Variants in STK39 observed in about 807,000 individuals in gnomAD.
STK39 encodes the protein serine/threonine kinase 39, also known as STE20/SPS1-related proline-alanine-rich protein kinase.
STK39 carries 20 observed loss-of-function variants against 77.8 expected under a neutral mutation model. That is an observed-to-expected ratio of 0.26 (90% CI 0.18 to 0.37). The LOEUF is 0.37. Among genes scored for constraint, STK39 ranks in the 10% least tolerant of loss-of-function variants. STK39 has a pLI of 1.00. For missense variants in STK39, 479 were observed against 656.5 expected (o/e 0.73, Z 2.95); for synonymous variants, 246 against 234.1 (o/e 1.05, Z -0.47).
intron 14 of STK39, among the ~76,000 whole-genome samples, chr2:168,019,886 G>A (rs1684528235): frequency 6.6e-6 from 1 of 151,956 alleles, no homozygotes; most frequent in South Asian, 2.1e-4. Flanking sequence ...TGTATTTTTA[G>A]TAGAGACAGG....
At chr2:168,216,612 A>G (rs1294598931) in intron 1 of STK39, among the ~76,000 whole-genome samples, 1 of 152,200 alleles carries the variant, frequency 6.6e-6, no homozygotes, top group African/African-American at 2.4e-5. Flanking sequence ...TCATCTAATG[A>G]AGTGGCAAAT....
intron 16 of STK39, among the ~76,000 whole-genome samples, chr2:167,967,827 G>A (rs1166190262): frequency 6.7e-6 from 1 of 150,044 alleles, no homozygotes. Flanking sequence ...AGATTCAGGG[G>A]TTCATATGCG....
At chr2:167,963,920 G>A (rs1692072541) in intron 17 of STK39, among the ~76,000 whole-genome samples, 1 of 152,168 alleles carries the variant, frequency 6.6e-6, no homozygotes, top group South Asian at 2.1e-4. Context: ...ACCAGCCTTT[G>A]ATAAAATTAA....
At chr2:168,169,020 T>C (rs1316297300) in intron 2 of STK39, among the ~76,000 whole-genome samples, 1 of 152,226 alleles carries the variant, frequency 6.6e-6, no homozygotes, top group Non-Finnish European at 1.5e-5. Context: ...GAAGTGCTTT[T>C]AACCAAAGAT....
At chr2:168,207,688 A>G (rs193200568) in intron 1 of STK39, among the ~76,000 whole-genome samples, 24 of 152,362 alleles carry the variant, frequency 1.6e-4, no homozygotes, top group Admixed American at 1.5e-3. Flanking sequence ...TGAAATGAAC[A>G]TGACAATGAT....
At chr2:168,076,734 T>G (rs1443186485) in intron 10 of STK39, among the ~76,000 whole-genome samples, 1 of 152,212 alleles carries the variant, frequency 6.6e-6, no homozygotes, top group African/African-American at 2.4e-5. Flanking sequence ...ATTTTTCTTT[T>G]TAACTAATTT....
intron 10 of STK39, among the ~76,000 whole-genome samples, chr2:168,097,463 A>G (rs1686700497): frequency 6.6e-6 from 1 of 152,144 alleles, no homozygotes; most frequent in African/African-American, 2.4e-5. Context: ...GGTGGTTCAC[A>G]CCTGTAATCC....
At chr2:168,165,485 A>T (rs576990411) in intron 3 of STK39, among the ~76,000 whole-genome samples, 56 of 152,274 alleles carry the variant, frequency 3.7e-4, no homozygotes, top group African/African-American at 1.3e-3. Context: ...CCTTAAGATC[A>T]TCTTGTTGGC....
intron 5 of STK39, among the ~76,000 whole-genome samples, chr2:168,141,129 A>C (rs956397268): frequency 2.6e-5 from 4 of 152,248 alleles, no homozygotes; most frequent in African/African-American, 4.8e-5. Context: ...GACAATTTTC[A>C]TAAGTACAGA....
At chr2:168,201,307 T>G (rs1412715829) in intron 1 of STK39, among the ~76,000 whole-genome samples, 3 of 152,258 alleles carry the variant, frequency 2.0e-5, no homozygotes, top group Non-Finnish European at 2.9e-5. Flanking sequence ...ACACTGTGTC[T>G]GGCAGAAAGG....
chr2:168,216,973 G>A (rs1028594994), intron 1 of STK39, among the ~76,000 whole-genome samples: 3 of 152,194 alleles, frequency 2.0e-5, no homozygotes, highest in African/African-American at 7.2e-5. Context: ...GTTGGAATAT[G>A]GTGAGCTCTA....
intron 1 of STK39, among the ~76,000 whole-genome samples, chr2:168,245,390 G>T (rs1171600060): frequency 1.3e-5 from 2 of 152,182 alleles, no homozygotes; most frequent in African/African-American, 4.8e-5. Flanking sequence ...TATATTGCTA[G>T]CAAGTGGGGC....
In STK39 at chr2:168,111,584, C is replaced by CT. The variant is rs1184087572; in HGVS notation, c.1089+17956dup. Among the ~76,000 whole-genome samples the CT allele has an allele frequency of 2.0e-5, 3 of 152,156 alleles. No individual in the cohort carries two copies. In the South Asian group the frequency reaches 6.2e-4, roughly 32 times the overall value. ...TCTCTAGCTGATTTTAGGATCTTCT[C>CT]TTTATTTCTGTGCTGTTGATAAAAT... On this transcript the variant is annotated intron_variant, in intron 10 of 17. Transcript: ENST00000355999.
At position 168,103,093 on chromosome 2, in the gene STK39, CT is replaced by C. The variant is rs1686878640; in HGVS notation, c.1089+26447del. Among the ~76,000 whole-genome samples the C allele has an allele frequency of 3.3e-5, 5 of 152,146 alleles. No homozygotes were observed. The South Asian group carries it at 1.0e-3, about 32-fold the overall frequency. ...ACTGGCTCAGGGTCACATCTGAGGT[CT>C]ACCTTGAGCAAGTATACTGAACTTA... is the stretch of plus-strand genomic sequence containing the variant. On this transcript the variant is annotated intron_variant, in intron 10 of 17. Transcript: ENST00000355999.
At chr2:168,162,547 G>A (rs1453975435) in intron 4 of STK39, among the ~76,000 whole-genome samples, 1 of 152,040 alleles carries the variant, frequency 6.6e-6, no homozygotes, top group Non-Finnish European at 1.5e-5. Context: ...AATTTGGGAT[G>A]CAATTCCAAC....
intron 2 of STK39, among the ~76,000 whole-genome samples, chr2:168,171,345 C>A (rs545331207): frequency 7.4e-4 from 113 of 152,004 alleles, no homozygotes; most frequent in African/African-American, 2.6e-3. Context: ...ATTTGCCAAA[C>A]CAGACATTAC....
chr2:168,247,061 T>TAAAA lies in STK39; in HGVS notation c.208+163_208+166dup, dbSNP rs755613797. ...TAGAACGAACAAATACATTAAAAAT[T>TAAAA]AAAAAAAAAAAAAAAAAAAAAAAAA... On this transcript the variant is annotated intron_variant, in intron 1 of 17. Transcript: ENST00000355999. 8.4e-3 allele frequency among the ~76,000 whole-genome samples: 751 copies of TAAAA among 89,174 alleles called. 17 individuals carry two copies. Among genetic ancestry groups the TAAAA allele is most frequent in the African/African-American group, 0.015 (331 of 21,668 alleles). The allele number at this position is 89,174 out of a possible 152,430, so 58.5% of individuals were successfully genotyped here. A position where few individuals can be genotyped will look rare whatever the true frequency, so the allele number is the denominator to read the frequency against.
At chr2:168,161,160 T>C (rs1187611875) in intron 5 of STK39, among the ~76,000 whole-genome samples, 3 of 152,074 alleles carry the variant, frequency 2.0e-5, no homozygotes, top group African/African-American at 4.8e-5. Context: ...ACGACATGGG[T>C]AAAGCAAGAG....
chr2:168,023,583 G>C (rs1257190520), intron 14 of STK39, among the ~76,000 whole-genome samples: 1 of 152,152 alleles, frequency 6.6e-6, no homozygotes, highest in Non-Finnish European at 1.5e-5. Flanking sequence ...CAAAATGCCA[G>C]CTCAGAACTA....
Sources: gnomAD v4.1 joint callset for allele counts (sites outside exome capture counted in the v4.1 genomes callset) on GRCh38, gnomAD v4.1.1 for gene constraint, MANE v1.5 for transcripts, NCBI Gene and HGNC (gene_info 2026-07-23, HGNC 2026-07-21) for gene names.